PIK3CA: variants seen among roughly 807,000 people sequenced by gnomAD.
PIK3CA encodes phosphatidylinositol 4,5-bisphosphate 3-kinase catalytic subunit alpha isoform.
PIK3CA carries 27 observed loss-of-function variants against 138.2 expected under a neutral mutation model. The ratio of observed to expected loss-of-function variants is 0.20; its 90% CI spans 0.14 to 0.27. The LOEUF (loss-of-function observed/expected upper bound fraction) is 0.27. PIK3CA is among the 10% of genes least tolerant of loss of function. PIK3CA has a pLI of 1.00. For missense variants in PIK3CA, 544 were observed against 1,277.4 expected (o/e 0.43, Z 8.75); for synonymous variants, 358 against 413.2 (o/e 0.87, Z 1.62).
rs953708720 is a variant in PIK3CA, at chr3:179,148,446, G to A, written c.-234G>A. ...GGGGCTGGGGCCGCCGGCGAGGCAG[G>A]GCTCGGGCCCGGCCGGGCAGCTCCG... is the stretch of plus-strand genomic sequence containing the variant. On this transcript the variant is annotated 5_prime_UTR_variant, in exon 1 of 21. Coordinates refer to ENST00000263967, the MANE Select transcript of PIK3CA (RefSeq NM_006218.4). The A allele has an allele frequency of 6.6e-6, 1 of 150,980 alleles. No individual in the cohort carries two copies. Among genetic ancestry groups the A allele is most frequent in the Non-Finnish European group, 1.5e-5 (1 of 67,650 alleles). 9.4% of individuals were successfully genotyped at this position (150,980 alleles called of 1,614,324 possible).
chr3:179,184,643 G>C (rs1235754629), intron 1 of PIK3CA, among the ~76,000 whole-genome samples: 1 of 152,172 alleles, frequency 6.6e-6, no homozygotes. Context: ...GTATCTGCTG[G>C]TGTCCCCAAA....
Position 179,237,359 on chromosome 3 carries a change from C to T in PIK3CA, c.*2995C>T, listed in dbSNP as rs1361768260. ...CAACTTTGAGATTTTCCCTTCTATT[C>T]TGCTTTATATTAAAAGCCCATTAGA... On this transcript the variant is annotated 3_prime_UTR_variant, in exon 21 of 21. Coordinates refer to ENST00000263967, the MANE Select transcript of PIK3CA (RefSeq NM_006218.4). 1 of 195,550 alleles carries T rather than the reference C, an allele frequency of 5.1e-6. No individual in the cohort carries two copies. Among genetic ancestry groups the T allele is most frequent in the African/African-American group, 2.3e-5 (1 of 43,178 alleles). The allele number at this position is 195,550 out of a possible 1,614,324, so 12.1% of individuals were successfully genotyped here.
intron 20 of PIK3CA, among the ~76,000 whole-genome samples, chr3:179,231,590 T>TA (rs1373206165): frequency 1.3e-5 from 2 of 151,508 alleles, no homozygotes; most frequent in Admixed American, 1.3e-4. Flanking sequence ...ACCATTTATA[T>TA]ATCTTCTTTT....
chr3:179,203,745 C>A lies in PIK3CA; in HGVS notation c.1015C>A (p.Leu339Ile), dbSNP rs1428379257. Residue 339 changes from leucine (L) to isoleucine (I), a missense_variant, in exon 5 of 21, where the codon CTT (leucine) becomes ATT (isoleucine). Coordinates refer to ENST00000263967, the MANE Select transcript of PIK3CA (RefSeq NM_006218.4). The stretch of plus-strand genomic sequence containing the variant: ...AAATAGTGCACTCAGAATAAAAATT[C>A]TTTGTGCAACCTACGTGAATGTAAA... ...VINSALRIKI[L>I]CATYVNVNIR... 4 of 1,612,096 alleles carry A rather than the reference C, an allele frequency of 2.5e-6. No homozygotes were observed. The highest frequency in any genetic ancestry group is 8.5e-7 in the Non-Finnish European group (1 of 1,179,114).
intron 1 of PIK3CA, among the ~76,000 whole-genome samples, chr3:179,198,197 G>A (rs940152079): frequency 2.2e-4 from 34 of 152,110 alleles, no homozygotes; most frequent in African/African-American, 7.7e-4. Flanking sequence ...AAATTACAAA[G>A]ATTGATTTAA....
At chr3:179,210,931 T>G (rs1466726152) in intron 9 of PIK3CA, among the ~76,000 whole-genome samples, 1 of 152,184 alleles carries the variant, frequency 6.6e-6, no homozygotes, top group Non-Finnish European at 1.5e-5. Flanking sequence ...CAGTTGACCC[T>G]TGAACAACAT....
chr3:179,238,310 A>AAAC lies in PIK3CA; in HGVS notation c.*3949_*3951dup, dbSNP rs1006045720. 4.9e-4 allele frequency: 106 copies of AAAC among 216,042 alleles called. No individual in the cohort carries two copies. Among genetic ancestry groups the AAAC allele is most frequent in the Middle Eastern group, 2.9e-3 (2 of 688 alleles). The allele number at this position is 216,042 out of a possible 1,614,324, so 13.4% of individuals were successfully genotyped here. A position where few individuals can be genotyped will look rare whatever the true frequency, so the allele number is the denominator to read the frequency against. On this transcript the variant is annotated 3_prime_UTR_variant, in exon 21 of 21. Transcript: ENST00000263967. ...ACAGCTGGGCTGTTTTTTAAAATAT[A>AAAC]AACAATACCATTTTTAATTATTACA...
chr3:179,193,064 G>A (rs1033119203), intron 1 of PIK3CA, among the ~76,000 whole-genome samples: 2 of 152,156 alleles, frequency 1.3e-5, no homozygotes, highest in African/African-American at 4.8e-5. Flanking sequence ...TAAAGGCGTC[G>A]TTACTTCTGC....
chr3:179,204,453 A>T (rs1159871335), intron 5 of PIK3CA, 50 bp from the exon 6 acceptor site: 1 of 824,794 alleles, frequency 1.2e-6, no homozygotes, highest in Admixed American at 1.9e-5. Context: ...GTGTGTGCAT[A>T]TGTGTATGTT....
In PIK3CA at chr3:179,237,494, T is replaced by C. The variant is rs1382110100; in HGVS notation, c.*3130T>C. The C allele has an allele frequency of 1.2e-4, 25 of 204,954 alleles. No homozygotes were observed. The East Asian group carries it at 1.9e-3, about 15-fold the overall frequency. The allele number at this position is 204,954 out of a possible 1,614,324, so 12.7% of individuals were successfully genotyped here. On this transcript the variant is annotated 3_prime_UTR_variant, in exon 21 of 21. Transcript: ENST00000263967. Reference sequence around the variant, plus strand: ...GATGAAAACAGCTGCTGATAAAGTATTTTGTGTAAAGTGTAGTTCTTATTA... The same window carrying C: ...GATGAAAACAGCTGCTGATAAAGTACTTTGTGTAAAGTGTAGTTCTTATTA...
intron 1 of PIK3CA, among the ~76,000 whole-genome samples, chr3:179,153,049 A>G (rs565443045): frequency 1.3e-5 from 2 of 152,190 alleles, no homozygotes; most frequent in East Asian, 1.9e-4. Flanking sequence ...AGAAAATCCA[A>G]AGATTTTGGT....
chr3:179,157,377 AATAAC>A (rs1430910690), intron 1 of PIK3CA, among the ~76,000 whole-genome samples: 1 of 152,126 alleles, frequency 6.6e-6, no homozygotes, highest in Non-Finnish European at 1.5e-5. Flanking sequence ...TATACTTGAT[AATAAC>A]AGTGGTAGTA....
chr3:179,192,452 T>G (rs1341723800), intron 1 of PIK3CA, among the ~76,000 whole-genome samples: 1 of 152,236 alleles, frequency 6.6e-6, no homozygotes, highest in African/African-American at 2.4e-5. Context: ...ACTTTCCTAT[T>G]TCAAGATTTT....
chr3:179,199,489 A>G (rs895532965), intron 2 of PIK3CA, among the ~76,000 whole-genome samples: 10 of 151,974 alleles, frequency 6.6e-5, no homozygotes, highest in African/African-American at 2.4e-4. Context: ...TGCTGAATAT[A>G]TTATTTTTTA....
chr3:179,189,250 T>C (rs1164323908), intron 1 of PIK3CA, among the ~76,000 whole-genome samples: 2 of 152,066 alleles, frequency 1.3e-5, no homozygotes, highest in Non-Finnish European at 2.9e-5. Context: ...AAATTCAAAT[T>C]GAAAAAGTTC....
intron 1 of PIK3CA, among the ~76,000 whole-genome samples, chr3:179,153,398 A>C (rs1190633391): frequency 6.6e-6 from 1 of 152,180 alleles, no homozygotes; most frequent in Non-Finnish European, 1.5e-5. Context: ...CCAAAATCTG[A>C]AACTTCTTGA....
intron 1 of PIK3CA, among the ~76,000 whole-genome samples, chr3:179,195,943 C>T (rs1724256245): frequency 6.6e-6 from 1 of 152,184 alleles, no homozygotes; most frequent in African/African-American, 2.4e-5. Context: ...AATAAAAAAG[C>T]TGTCATTCTG....
At chr3:179,218,388 A>T (rs2108408649) in intron 10 of PIK3CA, 54 bp downstream of exon 10, 1 of 1,494,230 alleles carries the variant, frequency 6.7e-7, no homozygotes, top group Non-Finnish European at 9.1e-7. Flanking sequence ...CAGAAAAAAT[A>T]ACTGAATTTG....
chr3:179,199,669 C>G (rs1205020074), intron 2 of PIK3CA, 21 bp from the exon 3 acceptor site: 3 of 1,530,860 alleles, frequency 2.0e-6, no homozygotes, highest in South Asian at 1.1e-5. Context: ...ATGTTATATT[C>G]TTTATGTAAT....
Sources: gnomAD v4.1 joint callset for allele counts (sites outside exome capture counted in the v4.1 genomes callset) on GRCh38, gnomAD v4.1.1 for gene constraint, MANE v1.5 for transcripts, NCBI Gene and HGNC (gene_info 2026-07-23, HGNC 2026-07-21) for gene names.